Variants in UACA observed in about 807,000 individuals in gnomAD.
UACA encodes the protein uveal autoantigen with coiled-coil domains and ankyrin repeats.
Under a neutral mutation model 160.5 loss-of-function variants are expected in UACA, and 112 were observed. The observed-to-expected ratio is 0.70, with a 90% confidence interval of 0.60 to 0.82. The LOEUF (loss-of-function observed/expected upper bound fraction) is 0.82, where lower values mean the gene tolerates loss of function less well. Among genes scored for constraint, UACA ranks in the 40% least tolerant of loss-of-function variants. The pLI, the probability that UACA is intolerant of heterozygous loss-of-function variation, is 0.00. For missense variants in UACA, 1,574 were observed against 1,614.6 expected, an observed-to-expected ratio of 0.97 and a Z score of 0.43; for synonymous variants, 557 against 568.4, an observed-to-expected ratio of 0.98 and a Z score of 0.29.
rs938177378 is a variant in UACA, at chr15:70,684,420, T to C, written c.629A>G (p.Tyr210Cys). The change falls in exon 8 of 19, where the codon TAT becomes TGT. Residue 210 changes from tyrosine to cysteine, a missense_variant. Tyr to Cys is a radical substitution (Grantham distance 194). Coordinates refer to ENST00000322954, the MANE Select transcript of UACA (RefSeq NM_018003.4). The part of the protein sequence containing the change: ...NRTALMLGCE[Y>C]GCRDAVEVLI... ...GACTTCTACTGCATCTCTGCAACCA[T>C]ATTCGCAACCTAGCATGAGGGCAGT... is the stretch of plus-strand genomic sequence containing the variant. The C allele has an allele frequency of 3.1e-6, 5 of 1,611,334 alleles. No individual in the cohort carries two copies. The African/African-American group carries it at 5.3e-5, about 17-fold the overall frequency.
At chr15:70,683,391 C>T (rs1396171422) in intron 8 of UACA, among the ~76,000 whole-genome samples, 1 of 151,948 alleles carries the variant, frequency 6.6e-6, no homozygotes, top group Non-Finnish European at 1.5e-5. Context: ...ATTTAAAAAG[C>T]TCCTAAATTC....
Position 70,656,027 on chromosome 15 carries a change from T to C in UACA, c.*1029A>G, listed in dbSNP as rs1896466161. On this transcript the variant is annotated 3_prime_UTR_variant, in exon 19 of 19. Coordinates refer to ENST00000322954, the MANE Select transcript of UACA (RefSeq NM_018003.4). ...TATTTACTATAAACATGTCCACTTA[T>C]GTTATTTTATTGCTATCTATATACT... is the stretch of plus-strand genomic sequence containing the variant. 1 of 152,212 alleles carries C rather than the reference T, an allele frequency of 6.6e-6. No individual in the cohort carries two copies. Among genetic ancestry groups the C allele is most frequent in the African/African-American group, 2.4e-5 (1 of 41,462 alleles). The allele number at this position is 152,212 out of a possible 1,614,324, so 9.4% of individuals were successfully genotyped here. A position where few individuals can be genotyped will look rare whatever the true frequency, so the allele number is the denominator to read the frequency against.
In UACA at chr15:70,669,183, CT is replaced by C. The variant is rs764913324; in HGVS notation, c.1500del (p.Asp501MetfsTer27). 4.3e-6 allele frequency: 7 copies of C among 1,614,016 alleles called. No individual in the cohort carries two copies. The South Asian group carries it at 7.7e-5, about 18-fold the overall frequency. ...GACTCATACATCCTCTTCTGCACATCTTTTAATGCATCTTCTAATTGCTTTA... is the reference window on the plus strand; with the variant it reads ...GACTCATACATCCTCTTCTGCACATCTTTAATGCATCTTCTAATTGCTTTA... ...EQIKQLEDALKDVQKRMYESE... is the reference protein window; with the variant it reads ...EQIKQLEDALXDVQKRMYESE... On this transcript the variant is annotated frameshift_variant, in exon 16 of 19. Coordinates refer to ENST00000322954, the MANE Select transcript of UACA (RefSeq NM_018003.4). LOFTEE classifies it high-confidence loss of function.
rs925317946 is a variant in UACA, at chr15:70,729,787, G to A, written c.79-30127C>T. On this transcript the variant is annotated intron_variant, in intron 1 of 18. Transcript: ENST00000322954. ...GCAGTGGTTCTCCCAGCACGCAGCT[G>A]GAGATCTGAGAACGGGCAGACTGCC... Among the ~76,000 whole-genome samples, 9 of 139,588 alleles carry A rather than the reference G, an allele frequency of 6.4e-5. 1 individual carries two copies. Among genetic ancestry groups the A allele is most frequent in the African/African-American group, 1.5e-4 (5 of 32,594 alleles). 91.6% of individuals were successfully genotyped at this position (139,588 alleles called of 152,430 possible). A position where few individuals can be genotyped will look rare whatever the true frequency, so the allele number is the denominator to read the frequency against.
At position 70,699,646 on chromosome 15, in the gene UACA, C is replaced by T; in HGVS notation, c.93G>A (p.Trp31Ter). The T allele has an allele frequency of 6.2e-7, 1 of 1,610,792 alleles. No homozygotes were observed. The highest frequency in any genetic ancestry group is 1.1e-5 in the South Asian group (1 of 90,824). The change falls in exon 2 of 19, where the codon TGG becomes TGA. Residue 31 changes from tryptophan to a stop codon, truncating the protein, a stop_gained. Coordinates refer to ENST00000322954, the MANE Select transcript of UACA (RefSeq NM_018003.4). LOFTEE classifies it high-confidence loss of function. The part of the protein sequence containing the change: ...AAAASAHAAD[W>*]NKYDDRLMKA... ...TCATCAATCGGTCATCATATTTATT[C>T]CAATCTGCTGCATGCTACAAAAAGG...
At chr15:70,726,077 T>G (rs1417669741) in intron 1 of UACA, among the ~76,000 whole-genome samples, 1 of 152,140 alleles carries the variant, frequency 6.6e-6, no homozygotes, top group African/African-American at 2.4e-5. Context: ...TGCTTGCATC[T>G]TCTCTAAGCA....
chr15:70,716,970 C>T (rs992782786), intron 1 of UACA, among the ~76,000 whole-genome samples: 1 of 152,052 alleles, frequency 6.6e-6, no homozygotes, highest in Non-Finnish European at 1.5e-5. Flanking sequence ...GCTTGTAATC[C>T]TAGCATTCTG....
At chr15:70,671,544 A>C (rs988411102) in intron 14 of UACA, 8 of 158,654 alleles carry the variant, frequency 5.0e-5, no homozygotes, top group African/African-American at 1.7e-4. Flanking sequence ...TTGCAGAATA[A>C]AAAAGATTAT....
At chr15:70,762,136 T>C (rs1406737610) in intron 1 of UACA, among the ~76,000 whole-genome samples, 1 of 152,188 alleles carries the variant, frequency 6.6e-6, no homozygotes, top group Admixed American at 6.5e-5. Context: ...ATCAATTACG[T>C]CATCTGAATC....
At chr15:70,700,904 A>G (rs1189998120) in intron 1 of UACA, among the ~76,000 whole-genome samples, 1 of 152,070 alleles carries the variant, frequency 6.6e-6, no homozygotes, top group African/African-American at 2.4e-5. Flanking sequence ...AAAAAACTGA[A>G]TCACCTGTAT....
chr15:70,710,187 C>T (rs574891289), intron 1 of UACA, among the ~76,000 whole-genome samples: 6 of 152,144 alleles, frequency 3.9e-5, no homozygotes, highest in South Asian at 4.2e-4. Flanking sequence ...CCTGGGAAGT[C>T]GGGGCTGCAG....
chr15:70,759,277 A>C (rs1242676412), intron 1 of UACA, among the ~76,000 whole-genome samples: 1 of 152,220 alleles, frequency 6.6e-6, no homozygotes, highest in Non-Finnish European at 1.5e-5. Context: ...CTGAACACAC[A>C]ATTAACCAGA....
chr15:70,677,550 G>A (rs1027591232), intron 11 of UACA, among the ~76,000 whole-genome samples: 17 of 152,188 alleles, frequency 1.1e-4, no homozygotes, highest in Middle Eastern at 3.4e-3. Flanking sequence ...TACCAATCAC[G>A]CAGTTACTTC....
chr15:70,670,901 A>C, intron 15 of UACA, 138 bp downstream of exon 15: 1 of 431,144 alleles, frequency 2.3e-6, no homozygotes, highest in Admixed American at 4.2e-5. Context: ...AGAAAGCAGG[A>C]CCAACTTGTC....
chr15:70,679,531 C>T, intron 10 of UACA, 77 bp downstream of exon 10: 1 of 942,124 alleles, frequency 1.1e-6, no homozygotes, highest in Non-Finnish European at 1.6e-6. Context: ...TCTCTTGCTT[C>T]CTCTCTTCTC....
Position 70,667,372 on chromosome 15 carries a change from T to C in UACA, c.3312A>G (p.Gln1104=), listed in dbSNP as rs60600939. ...GAACATGTTGTTTTTGCAAAAGATT[T>C]TGCACTGCAAGTATCTCAGAAGTCT... The part of the protein sequence containing the change: ...AKQTSEILAV[Q]NLLQKQHVPL... The change falls in exon 16 of 19, where the codon CAA becomes CAG. Residue 1104 remains glutamine (Q), a synonymous_variant. Coordinates refer to ENST00000322954, the MANE Select transcript of UACA (RefSeq NM_018003.4). 4,840 of 1,612,976 alleles carry C rather than the reference T, an allele frequency of 3.0e-3. 112 individuals are homozygous for C. In the African/African-American group the frequency reaches 0.051, roughly 17 times the overall value.
intron 1 of UACA, among the ~76,000 whole-genome samples, chr15:70,714,519 C>T (rs564307556): frequency 9.2e-4 from 140 of 152,244 alleles, no homozygotes; most frequent in African/African-American, 3.3e-3. Context: ...AAATTATATC[C>T]TATCAATCAT....
At chr15:70,728,075 C>T (rs140143763) in intron 1 of UACA, among the ~76,000 whole-genome samples, 270 of 152,322 alleles carry the variant, frequency 1.8e-3, no homozygotes, top group Admixed American at 3.2e-3. Flanking sequence ...TAAAGCCACA[C>T]TCCTATAAAC....
At chr15:70,688,130 T>C (rs1281405174) in intron 5 of UACA, among the ~76,000 whole-genome samples, 1 of 152,202 alleles carries the variant, frequency 6.6e-6, no homozygotes, top group East Asian at 1.9e-4. Flanking sequence ...ACAGTATATT[T>C]TTAAACATGG....
Sources: gnomAD v4.1 joint callset for allele counts (sites outside exome capture counted in the v4.1 genomes callset) on GRCh38, gnomAD v4.1.1 for gene constraint, MANE v1.5 for transcripts, NCBI Gene and HGNC (gene_info 2026-07-23, HGNC 2026-07-21) for gene names.